MSI1: variants seen among roughly 807,000 people sequenced by gnomAD.
MSI1 encodes the protein RNA-binding protein Musashi homolog 1.
MSI1 carries 15 observed loss-of-function variants against 54.4 expected under a neutral mutation model. The observed-to-expected ratio is 0.28, with a 90% CI of 0.18 to 0.42. The LOEUF is 0.42. Among genes scored for constraint, MSI1 ranks in the 20% least tolerant of loss-of-function variants. MSI1 has a pLI of 1.00. For missense variants in MSI1, 304 were observed against 506.0 expected (o/e 0.60, Z 3.83); for synonymous variants, 200 against 196.5 (o/e 1.02, Z -0.15).
At position 120,341,433 on chromosome 12, in the gene MSI1, G is replaced by T. The variant is rs1873665176; in HGVS notation, c.*1694C>A. The T allele has an allele frequency of 6.6e-6, 1 of 152,118 alleles. No homozygotes were observed. The highest frequency in any genetic ancestry group is 2.4e-5 in the African/African-American group (1 of 41,238). The allele number at this position is 152,118 out of a possible 1,614,324, so 9.4% of individuals were successfully genotyped here. On this transcript the variant is annotated 3_prime_UTR_variant, in exon 15 of 15. Coordinates refer to ENST00000257552, the MANE Select transcript of MSI1 (RefSeq NM_002442.4). ...AGACACCGGAGGATGGTAACTTGCT[G>T]GCTTCGAAACACCATGTAACATCTT...
chr12:120,352,556 TCCCCC>T (rs1874713567), intron 10 of MSI1, among the ~76,000 whole-genome samples: 1 of 151,786 alleles, frequency 6.6e-6, no homozygotes, highest in Non-Finnish European at 1.5e-5. Flanking sequence ...TAAGCATCCT[TCCCCC>T]ATGAGATTAT....
rs894030357 is a variant in MSI1, at chr12:120,353,312, G to C, written c.720C>G (p.Thr240=). The change falls in exon 10 of 15, where the codon ACC becomes ACG. Residue 240 remains threonine, a synonymous_variant. Coordinates refer to ENST00000257552, the MANE Select transcript of MSI1 (RefSeq NM_002442.4). Reference sequence around the variant, plus strand: ...AGCAGGACTTACCGGGGAACTGGTAGGTGTAGCCAGGGGCGAGGCCTGTAT... The same window carrying C: ...AGCAGGACTTACCGGGGAACTGGTACGTGTAGCCAGGGGCGAGGCCTGTAT... ...RSYTGLAPGY[T]YQFPEFRVER... is the part of the protein sequence containing the mutation. The C allele has an allele frequency of 6.2e-7, 1 of 1,614,100 alleles. No individual in the cohort carries two copies. The highest frequency in any genetic ancestry group is 1.7e-5 in the Admixed American group (1 of 60,012).
chr12:120,359,504 C>T (rs901769720), intron 6 of MSI1, among the ~76,000 whole-genome samples: 2 of 152,326 alleles, frequency 1.3e-5, no homozygotes, highest in Middle Eastern at 3.4e-3. Context: ...CCAGACTGGA[C>T]TCCCCTCTCC....
intron 14 of MSI1, among the ~76,000 whole-genome samples, 168 bp downstream of exon 14, chr12:120,345,402 G>A (rs1874026918): frequency 6.6e-6 from 1 of 152,128 alleles, no homozygotes; most frequent in South Asian, 2.1e-4. Context: ...TTTAAATGGA[G>A]TAGGGTGAGC....
chr12:120,351,162 C>G (rs1208639153), intron 11 of MSI1, among the ~76,000 whole-genome samples, 182 bp downstream of exon 11: 1 of 152,062 alleles, frequency 6.6e-6, no homozygotes, highest in African/African-American at 2.4e-5. Flanking sequence ...TATGCCCCAC[C>G]CTTAAGGGCC....
intron 4 of MSI1, among the ~76,000 whole-genome samples, chr12:120,365,304 T>C (rs2136987331): frequency 6.6e-6 from 1 of 152,266 alleles, no homozygotes; most frequent in Non-Finnish European, 1.5e-5. Flanking sequence ...TTATTTCCCC[T>C]CTTTGAACGT....
At chr12:120,346,416 C>A (rs1243471997) in intron 12 of MSI1, 94 bp from the exon 13 acceptor site, 7 of 1,273,250 alleles carry the variant, frequency 5.5e-6, no homozygotes, top group Non-Finnish European at 7.3e-6. Flanking sequence ...TAACCTGGAC[C>A]CCCACATTTC....
Position 120,347,455 on chromosome 12 carries a change from G to A in MSI1, c.850C>T (p.Arg284Ter), listed in dbSNP as rs1389547060. 1 of 1,613,994 alleles carries A rather than the reference G, an allele frequency of 6.2e-7. No homozygotes were observed. The highest frequency in any genetic ancestry group is 1.7e-5 in the Admixed American group (1 of 60,020). Residue 284 changes from arginine to a stop codon, truncating the protein, a stop_gained, in exon 12 of 15, where the codon CGA (arginine) becomes TGA (stop). Transcript: ENST00000257552. LOFTEE classifies it high-confidence loss of function. ...CCTCAGAAGAGCTCACCTGTCCCTCGAACCACAGCCGCTGCCGCCGCTGCC... is the reference window on the plus strand; with the variant it reads ...CCTCAGAAGAGCTCACCTGTCCCTCAAACCACAGCCGCTGCCGCCGCTGCC... Reference protein sequence around the residue: ...AAAAAAAAVVRGTGSHPWTMA... With the variant: ...AAAAAAAAVV
rs753215074 is a variant in MSI1, at chr12:120,363,074, T to C, written c.371A>G (p.Asp124Gly). 3 of 1,614,020 alleles carry C rather than the reference T, an allele frequency of 1.9e-6. No individual in the cohort carries two copies. Among genetic ancestry groups the C allele is most frequent in the Non-Finnish European group, 2.5e-6 (3 of 1,179,966 alleles). The change falls in exon 6 of 15, where the codon GAC becomes GGC. Residue 124 changes from aspartate to glycine, a missense_variant. By Grantham distance (94) the Asp-to-Gly change is moderately conservative. This residue lies in a region of MSI1 where 105 missense variants were observed against 230.1 expected (regional missense o/e 0.46). Transcript: ENST00000257552. ...AAACTGCTCAAAATATTGCTTCACG[T>C]CCTCCACCGTGGTGTTCACCGACAG... is the stretch of plus-strand genomic sequence containing the variant. Reference protein sequence around the residue: ...GGLSVNTTVEDVKQYFEQFGK... With the variant: ...GGLSVNTTVEGVKQYFEQFGK...
chr12:120,357,040 T>G (rs1387520538), intron 8 of MSI1, 21 bp from the exon 9 acceptor site: 1 of 1,604,220 alleles, frequency 6.2e-7, no homozygotes, highest in African/African-American at 1.3e-5. Context: ...ACCTGGCGGT[T>G]AGTCTTTCCC....
Position 120,355,998 on chromosome 12 carries a change from G to A in MSI1, c.652+904C>T, listed in dbSNP as rs572548227. On this transcript the variant is annotated intron_variant, in intron 9 of 14. Coordinates refer to ENST00000257552, the MANE Select transcript of MSI1 (RefSeq NM_002442.4). ...CAGGGAGCCTATGAGCTTCCTGGGG[G>A]GCCAAACTCAGATTTACCACCCTCA... is the stretch of plus-strand genomic sequence containing the variant. Among the ~76,000 whole-genome samples, 515 of 152,044 alleles carry A rather than the reference G, an allele frequency of 3.4e-3. 3 individuals are homozygous for A. The highest frequency in any genetic ancestry group is 0.012 in the African/African-American group (492 of 41,474).
intron 7 of MSI1, 113 bp from the exon 8 acceptor site, chr12:120,358,011 A>T (rs1875289457): frequency 2.3e-6 from 2 of 858,640 alleles, no homozygotes; most frequent in African/African-American, 3.4e-5. Flanking sequence ...GTGAGAGTTA[A>T]TGAAAGGCTC....
In MSI1 at chr12:120,363,149, GA is replaced by G; in HGVS notation, c.310-15del. 6.2e-7 allele frequency: 1 copy of G among 1,612,098 alleles called. No homozygotes were observed. Among genetic ancestry groups the G allele is most frequent in the Non-Finnish European group, 8.5e-7 (1 of 1,178,532 alleles). On this transcript the variant is annotated splice_polypyrimidine_tract_variant and intron_variant, in intron 5 of 14. Transcript: ENST00000257552. ...TCGAGTCACCATCTGTTAGGGGAGG[GA>G]ATGAGAAAGTGGGCATCTGAGTCCT...
chr12:120,369,120 AGCGGCG>A lies in MSI1; in HGVS notation c.-35_-30del, dbSNP rs547256348. The A allele has an allele frequency of 5.6e-5, 56 of 1,003,016 alleles. No homozygotes were observed. Among genetic ancestry groups the A allele is most frequent in the South Asian group, 1.3e-4 (3 of 22,452 alleles). The allele number at this position is 1,003,016 out of a possible 1,614,324, so 62.1% of individuals were successfully genotyped here. A position where few individuals can be genotyped will look rare whatever the true frequency, so the allele number is the denominator to read the frequency against. ...GAGCCGCGGGCGGCGCGGGCAGCGG[AGCGGCG>A]GCGGCGGCGGCGGCGGCGGCGCTCG... is the stretch of plus-strand genomic sequence containing the variant. On this transcript the variant is annotated 5_prime_UTR_variant, in exon 1 of 15. Transcript: ENST00000257552.
intron 13 of MSI1, 68 bp from the exon 14 acceptor site, chr12:120,345,700 T>TTCAGATGTC: frequency 6.4e-7 from 1 of 1,574,338 alleles, no homozygotes; most frequent in Non-Finnish European, 8.7e-7. Flanking sequence ...TCCTTCTCTC[T>TTCAGATGTC]CTGCAGGACA....
chr12:120,363,547 C>T (rs374562665), intron 5 of MSI1, among the ~76,000 whole-genome samples: 2 of 150,986 alleles, frequency 1.3e-5, no homozygotes, highest in South Asian at 2.1e-4. Flanking sequence ...TCAGCCTCCT[C>T]CCAACACAAC....
chr12:120,367,516 G>T (rs1465974509), intron 4 of MSI1, among the ~76,000 whole-genome samples: 1 of 152,130 alleles, frequency 6.6e-6, no homozygotes, highest in Non-Finnish European at 1.5e-5. Flanking sequence ...AAAGCAAGGA[G>T]CTCATTGACC....
chr12:120,345,930 A>G (rs1874078121), intron 13 of MSI1, among the ~76,000 whole-genome samples: 2 of 152,182 alleles, frequency 1.3e-5, no homozygotes, highest in South Asian at 4.1e-4. Flanking sequence ...CCTAGAGCCC[A>G]CTATGCCTGG....
downstream of MSI1, among the ~76,000 whole-genome samples, chr12:120,339,993 G>A (rs1056962661): frequency 1.3e-5 from 2 of 151,696 alleles, no homozygotes; most frequent in African/African-American, 4.8e-5. Flanking sequence ...TATCACCCAG[G>A]CAAGTCTCGA....
Sources: allele counts gnomAD v4.1 joint callset (sites outside exome capture counted in the v4.1 genomes callset), GRCh38; gene constraint gnomAD v4.1.1; regional missense constraint gnomAD v4.1.1; transcripts MANE v1.5; gene names NCBI Gene and HGNC (gene_info 2026-07-23, HGNC 2026-07-21).